Variants in OLFM3 observed in about 807,000 individuals in gnomAD.
The protein encoded by OLFM3 is noelin-3.
A neutral mutation model predicts 48.6 loss-of-function variants in OLFM3; 20 were observed. The observed-to-expected ratio is 0.41, with a 90% CI of 0.29 to 0.60. The LOEUF is 0.60. OLFM3 is among the 20% of genes least tolerant of loss of function. OLFM3 has a pLI of 0.28. For synonymous variants in OLFM3, 222 were observed against 198.1 expected, an observed-to-expected ratio of 1.12 and a Z score of -1.01; for missense variants, 437 against 544.3, an observed-to-expected ratio of 0.80 and a Z score of 1.96.
chr1:101,838,681 T>C (rs758429980), intron 1 of OLFM3, among the ~76,000 whole-genome samples: 10 of 152,140 alleles, frequency 6.6e-5, no homozygotes, highest in Non-Finnish European at 1.5e-4. Flanking sequence ...GATCTCGCCA[T>C]GCTGGCCAGG....
At chr1:101,843,150 G>C (rs770144624) in intron 1 of OLFM3, among the ~76,000 whole-genome samples, 3 of 152,176 alleles carry the variant, frequency 2.0e-5, no homozygotes, top group Non-Finnish European at 4.4e-5. Context: ...TCATTTTATA[G>C]AACTTTAAAT....
chr1:101,891,720 T>C (rs1425443542), intron 1 of OLFM3, among the ~76,000 whole-genome samples: 2 of 151,968 alleles, frequency 1.3e-5, no homozygotes, highest in Non-Finnish European at 2.9e-5. Flanking sequence ...AGAAAATAAA[T>C]GTTAGTGGCC....
intron 1 of OLFM3, among the ~76,000 whole-genome samples, chr1:101,890,506 G>A (rs533045970): frequency 6.6e-6 from 1 of 151,688 alleles, no homozygotes; most frequent in Non-Finnish European, 1.5e-5. Flanking sequence ...AAGTGTCATT[G>A]GTTTTCTAAT....
At chr1:101,867,446 C>T (rs1656900815) in intron 1 of OLFM3, among the ~76,000 whole-genome samples, 1 of 152,124 alleles carries the variant, frequency 6.6e-6, no homozygotes, top group East Asian at 1.9e-4. Context: ...CCTTGTCAGC[C>T]ACACAATGTT....
chr1:101,809,675 T>A (rs556604414), intron 4 of OLFM3, among the ~76,000 whole-genome samples: 12 of 151,990 alleles, frequency 7.9e-5, no homozygotes, highest in African/African-American at 2.6e-4. Context: ...GAGGGAGGTC[T>A]CAGAAATAAG....
At chr1:101,890,321 T>C (rs1164107582) in intron 1 of OLFM3, among the ~76,000 whole-genome samples, 7 of 151,400 alleles carry the variant, frequency 4.6e-5, no homozygotes, top group East Asian at 3.9e-4. Flanking sequence ...CAAGTAATAA[T>C]ACGAACAACC....
intron 4 of OLFM3, among the ~76,000 whole-genome samples, chr1:101,822,826 A>G (rs1001489703): frequency 6.7e-6 from 1 of 150,116 alleles, no homozygotes; most frequent in Non-Finnish European, 1.5e-5. Flanking sequence ...AGCAATGTTT[A>G]CCTATTGTAT....
At chr1:101,866,411 A>G (rs1267482292) in intron 1 of OLFM3, among the ~76,000 whole-genome samples, 1 of 124,678 alleles carries the variant, frequency 8.0e-6, no homozygotes, top group African/African-American at 2.7e-5. Flanking sequence ...TATTGAATCA[A>G]TAGATGATAA....
intron 1 of OLFM3, among the ~76,000 whole-genome samples, chr1:101,884,072 T>G (rs1657644923): frequency 1.3e-5 from 2 of 152,030 alleles, no homozygotes; most frequent in South Asian, 4.1e-4. Flanking sequence ...TAGAAGAATC[T>G]GCACCTTCCT....
At chr1:101,907,241 T>C (rs1262621981) in intron 1 of OLFM3, among the ~76,000 whole-genome samples, 1 of 152,192 alleles carries the variant, frequency 6.6e-6, no homozygotes, top group African/African-American at 2.4e-5. Flanking sequence ...TAAGTTTTCA[T>C]CTCTGTAGAG....
At chr1:101,965,715 C>T (rs1277274723) in intron 1 of OLFM3, among the ~76,000 whole-genome samples, 1 of 152,148 alleles carries the variant, frequency 6.6e-6, no homozygotes, top group Non-Finnish European at 1.5e-5. Flanking sequence ...ACCCATTCTA[C>T]TATAACCAAA....
Position 101,836,925 on chromosome 1 carries a change from C to G in OLFM3, c.170G>C (p.Cys57Ser). The G allele has an allele frequency of 6.2e-7, 1 of 1,614,128 alleles. No individual in the cohort carries two copies. Among genetic ancestry groups the G allele is most frequent in the South Asian group, 1.1e-5 (1 of 91,080 alleles). ...TTGCCTGCTTTTGGCATCCCGGGAA[C>G]ACAGGTTTTGTTCTGGAGCAACAAC... ...CTVVAPEQNLCSRDAKSRQLR... is the reference protein window; with the variant it reads ...CTVVAPEQNLSSRDAKSRQLR... Residue 57 changes from cysteine (C) to serine (S), a missense_variant, in exon 2 of 6, where the codon TGT becomes TCT. Physicochemically the swap from Cys to Ser is moderately radical, Grantham distance 112. Coordinates refer to ENST00000370103, the MANE Select transcript of OLFM3 (RefSeq NM_058170.4).
At chr1:101,930,674 G>A (rs2101047832) in intron 1 of OLFM3, among the ~76,000 whole-genome samples, 1 of 152,320 alleles carries the variant, frequency 6.6e-6, no homozygotes, top group Admixed American at 6.5e-5. Flanking sequence ...GATTATAGCA[G>A]GGCTTTAAAG....
chr1:101,912,389 C>T (rs116644235), intron 1 of OLFM3, among the ~76,000 whole-genome samples: 2,224 of 152,306 alleles, frequency 0.015, 60 homozygotes, highest in African/African-American at 0.051. Flanking sequence ...AACATGGCTT[C>T]TCTGAAGGTC....
intron 1 of OLFM3, among the ~76,000 whole-genome samples, chr1:101,863,318 C>T (rs1357407756): frequency 6.6e-6 from 1 of 152,160 alleles, no homozygotes; most frequent in African/African-American, 2.4e-5. Context: ...TGAATAAGTC[C>T]TTGCTATACT....
chr1:101,866,688 T>C (rs967707494), intron 1 of OLFM3, among the ~76,000 whole-genome samples: 4 of 152,200 alleles, frequency 2.6e-5, no homozygotes, highest in Non-Finnish European at 5.9e-5. Flanking sequence ...TGTTTTTACA[T>C]ATGCATTCTA....
intron 1 of OLFM3, among the ~76,000 whole-genome samples, chr1:101,900,363 C>T (rs1417947416): frequency 6.6e-6 from 1 of 152,080 alleles, no homozygotes; most frequent in East Asian, 1.9e-4. Context: ...GTTTGATTAA[C>T]AAAGTTTTCC....
intron 1 of OLFM3, among the ~76,000 whole-genome samples, chr1:101,879,902 G>C (rs534884908): frequency 6.6e-6 from 1 of 151,732 alleles, no homozygotes; most frequent in South Asian, 2.1e-4. Flanking sequence ...AAGAAAAATA[G>C]CATATAATTG....
chr1:101,811,866 G>T (rs1431093524), intron 4 of OLFM3, among the ~76,000 whole-genome samples: 2 of 152,074 alleles, frequency 1.3e-5, no homozygotes, highest in African/African-American at 4.8e-5. Context: ...AAATCATGCT[G>T]CTATAAAGAC....
Sources: gnomAD v4.1 joint callset for allele counts (sites outside exome capture counted in the v4.1 genomes callset) on GRCh38, gnomAD v4.1.1 for gene constraint, MANE v1.5 for transcripts, NCBI Gene and HGNC (gene_info 2026-07-23, HGNC 2026-07-21) for gene names.